OSBPL1A: variants seen among roughly 807,000 people sequenced by gnomAD.
OSBPL1A encodes the protein oxysterol-binding protein-related protein 1.
OSBPL1A carries 80 observed loss-of-function variants against 137.1 expected under a neutral mutation model. That is an observed-to-expected ratio of 0.58 (90% CI 0.49 to 0.70). The LOEUF is 0.70. OSBPL1A is among the 30% of genes least tolerant of loss of function. OSBPL1A has a pLI of 0.00. For missense variants in OSBPL1A, 970 were observed against 1,129.4 expected (o/e 0.86, Z 2.02); for synonymous variants, 365 against 389.7 (o/e 0.94, Z 0.75).
chr18:24,323,112 G>T (rs1226982314), intron 7 of OSBPL1A, among the ~76,000 whole-genome samples: 1 of 152,106 alleles, frequency 6.6e-6, no homozygotes, highest in East Asian at 1.9e-4. Flanking sequence ...AGATAAGGAT[G>T]TCAAAGAAAA....
intron 15 of OSBPL1A, among the ~76,000 whole-genome samples, chr18:24,279,356 G>A (rs1296239041): frequency 6.6e-6 from 1 of 151,880 alleles, no homozygotes; most frequent in Non-Finnish European, 1.5e-5. Context: ...TTGAGCCCAG[G>A]AGGCTGAGGC....
chr18:24,239,160 C>T, intron 16 of OSBPL1A, 60 bp downstream of exon 16: 1 of 1,574,726 alleles, frequency 6.4e-7, no homozygotes, highest in Non-Finnish European at 8.6e-7. Context: ...GGGGACATTG[C>T]TCATTTAGGT....
intron 13 of OSBPL1A, chr18:24,311,394 A>G (rs1287653852): frequency 1.2e-6 from 1 of 841,726 alleles, no homozygotes; most frequent in African/African-American, 1.8e-5. Context: ...ACAAGATGGA[A>G]ATAAAAGGTA....
At chr18:24,375,898 C>T (rs541927887) in intron 2 of OSBPL1A, among the ~76,000 whole-genome samples, 21 of 152,036 alleles carry the variant, frequency 1.4e-4, no homozygotes, top group African/African-American at 5.1e-4. Context: ...AATGAAGCCG[C>T]GGACCCTCGC....
intron 17 of OSBPL1A, among the ~76,000 whole-genome samples, chr18:24,207,771 A>G (rs919127349): frequency 4.6e-5 from 7 of 151,820 alleles, no homozygotes; most frequent in Non-Finnish European, 1.0e-4. Context: ...TTTCCTCCAA[A>G]TCCTTCCTCT....
At chr18:24,380,703 A>G (rs1906514001) in intron 1 of OSBPL1A, among the ~76,000 whole-genome samples, 1 of 152,148 alleles carries the variant, frequency 6.6e-6, no homozygotes, top group Admixed American at 6.5e-5. Flanking sequence ...TGTAATCCCA[A>G]CACTTTGGGA....
chr18:24,175,570 A>G (rs1438285885), intron 21 of OSBPL1A, among the ~76,000 whole-genome samples: 6 of 152,126 alleles, frequency 3.9e-5, no homozygotes, highest in African/African-American at 1.4e-4. Flanking sequence ...ATTTGCAAAT[A>G]ATTTTTACTA....
In OSBPL1A at chr18:24,363,494, T is replaced by C. The variant is rs1354261002; in HGVS notation, c.282+3398A>G. On this transcript the variant is annotated intron_variant, in intron 4 of 27. Coordinates refer to ENST00000319481, the MANE Select transcript of OSBPL1A (RefSeq NM_080597.4). ...TAGAATCTCGCTGTGTTGTCCAGGCTGGAATACAGTGGCACAATCTTGGCT... is the reference window on the plus strand; with the variant it reads ...TAGAATCTCGCTGTGTTGTCCAGGCCGGAATACAGTGGCACAATCTTGGCT... Among the ~76,000 whole-genome samples the C allele has an allele frequency of 2.7e-5, 4 of 148,532 alleles. No individual in the cohort carries two copies. The East Asian group carries it at 7.8e-4, about 29-fold the overall frequency.
intron 5 of OSBPL1A, among the ~76,000 whole-genome samples, chr18:24,335,873 A>C (rs2091166797): frequency 6.6e-6 from 1 of 152,228 alleles, no homozygotes; most frequent in South Asian, 2.1e-4. Context: ...GAAATGACTA[A>C]CATTGCTATA....
intron 17 of OSBPL1A, among the ~76,000 whole-genome samples, chr18:24,214,899 C>G (rs1037775583): frequency 6.6e-6 from 1 of 152,190 alleles, no homozygotes; most frequent in African/African-American, 2.4e-5. Context: ...CCCTTCAAAC[C>G]ACACCTACTT....
chr18:24,191,546 G>C (rs1197374069), intron 18 of OSBPL1A, among the ~76,000 whole-genome samples: 2 of 144,520 alleles, frequency 1.4e-5, no homozygotes, highest in African/African-American at 2.6e-5. Flanking sequence ...TTTTACCTTT[G>C]TTAATATTTT....
intron 4 of OSBPL1A, among the ~76,000 whole-genome samples, chr18:24,349,135 C>T (rs562419825): frequency 3.4e-4 from 51 of 152,180 alleles, no homozygotes; most frequent in Admixed American, 3.3e-3. Flanking sequence ...CTACTGCCAT[C>T]CAGCCTGGGA....
intron 15 of OSBPL1A, among the ~76,000 whole-genome samples, chr18:24,245,742 T>C (rs371510367): frequency 1.1e-4 from 16 of 152,334 alleles, no homozygotes; most frequent in African/African-American, 3.8e-4. Flanking sequence ...TGCTTTGTTT[T>C]ATAGATTTAC....
intron 4 of OSBPL1A, chr18:24,366,608 T>TAAAAA (rs546254870): frequency 3.6e-5 from 9 of 247,396 alleles, no homozygotes; most frequent in African/African-American, 2.1e-4. Flanking sequence ...ATTTTTTTTT[T>TAAAAA]AAAAAAAAGA....
intron 17 of OSBPL1A, among the ~76,000 whole-genome samples, chr18:24,206,389 C>T (rs1283100611): frequency 6.6e-6 from 1 of 152,216 alleles, no homozygotes; most frequent in Non-Finnish European, 1.5e-5. Context: ...TCAGGAGGGA[C>T]TCTGACTTGG....
At chr18:24,177,907 GTTTC>G (rs142052499) in intron 21 of OSBPL1A, 102 bp downstream of exon 21, 40,581 of 1,155,486 alleles carry the variant, frequency 0.035, 907 homozygotes, top group Non-Finnish European at 0.044. Context: ...TATGAAAGCT[GTTTC>G]TTTTTCTCCA....
intron 17 of OSBPL1A, among the ~76,000 whole-genome samples, chr18:24,204,930 G>A (rs963303643): frequency 6.6e-6 from 1 of 152,086 alleles, no homozygotes; most frequent in African/African-American, 2.4e-5. Context: ...AAAAGTTCAG[G>A]CGTTTTTAAA....
At chr18:24,277,811 C>T (rs2089878109) in intron 15 of OSBPL1A, among the ~76,000 whole-genome samples, 1 of 152,196 alleles carries the variant, frequency 6.6e-6, no homozygotes, top group South Asian at 2.1e-4. Flanking sequence ...TTTGCAGTGC[C>T]TTCTCACTGT....
chr18:24,197,387 T>C (rs764117071), intron 17 of OSBPL1A, among the ~76,000 whole-genome samples: 8 of 152,172 alleles, frequency 5.3e-5, no homozygotes, highest in Non-Finnish European at 1.2e-4. Context: ...GTTTTCCAGT[T>C]GCCTTCTGAA....
Sources: gnomAD v4.1 joint callset for allele counts (sites outside exome capture counted in the v4.1 genomes callset) on GRCh38, gnomAD v4.1.1 for gene constraint, MANE v1.5 for transcripts, NCBI Gene and HGNC (gene_info 2026-07-23, HGNC 2026-07-21) for gene names.